The following RAD51B variants were observed in gnomAD, a reference collection of about 807,000 sequenced individuals.
RAD51B encodes the protein RAD51 paralog B.
Under a neutral mutation model 42.2 loss-of-function variants are expected in RAD51B, and 38 were observed. The ratio of observed to expected loss-of-function variants is 0.90; its 90% CI spans 0.70 to 1.18. The LOEUF (loss-of-function observed/expected upper bound fraction) is 1.18. Among genes scored for constraint, RAD51B ranks in the 50% most tolerant of loss-of-function variants. The pLI is 0.00. For synonymous variants in RAD51B, 154 were observed against 145.2 expected (o/e 1.06, Z -0.43); for missense variants, 373 against 400.7 (o/e 0.93, Z 0.59).
chr14:68,648,420 A>C (rs966691219), intron 10 of RAD51B, among the ~76,000 whole-genome samples: 6 of 149,014 alleles, frequency 4.0e-5, no homozygotes, highest in African/African-American at 1.5e-4. Context: ...GTTATGGTGA[A>C]AAAGACATTC....
intron 7 of RAD51B, among the ~76,000 whole-genome samples, chr14:68,076,157 G>A (rs1191138226): frequency 2.0e-5 from 3 of 152,194 alleles, no homozygotes; most frequent in Non-Finnish European, 4.4e-5. Flanking sequence ...ACTATTGCTT[G>A]TTTGGAATTG....
At chr14:68,168,233 T>A (rs1014504248) in intron 7 of RAD51B, among the ~76,000 whole-genome samples, 1 of 152,150 alleles carries the variant, frequency 6.6e-6, no homozygotes, top group South Asian at 2.1e-4. Context: ...TCTCTAGAAT[T>A]TTACTCCTTT....
intron 7 of RAD51B, among the ~76,000 whole-genome samples, chr14:68,188,962 A>C (rs987938629): frequency 6.6e-6 from 1 of 151,602 alleles, no homozygotes; most frequent in Non-Finnish European, 1.5e-5. Flanking sequence ...TAGCTCTTTG[A>C]TAAGGCTTTG....
downstream of RAD51B, among the ~76,000 whole-genome samples, chr14:68,482,907 C>A (rs1252657258): frequency 6.6e-6 from 1 of 152,226 alleles, no homozygotes; most frequent in Admixed American, 6.5e-5. Flanking sequence ...CCCCAAATCT[C>A]AGTGACTTGC....
At chr14:68,454,513 C>A (rs1406888489) in intron 9 of RAD51B, among the ~76,000 whole-genome samples, 1 of 152,230 alleles carries the variant, frequency 6.6e-6, no homozygotes, top group Non-Finnish European at 1.5e-5. Flanking sequence ...ATCAGTGCTA[C>A]AGTAACCTTG....
At chr14:68,183,412 C>A in intron 7 of RAD51B, among the ~76,000 whole-genome samples, 1 of 152,184 alleles carries the variant, frequency 6.6e-6, no homozygotes, top group East Asian at 1.9e-4. Flanking sequence ...TTCTTTCTAG[C>A]CACACTGGCA....
chr14:68,602,793 G>C (rs970450178), intron 10 of RAD51B, among the ~76,000 whole-genome samples: 2 of 152,102 alleles, frequency 1.3e-5, no homozygotes, highest in Non-Finnish European at 2.9e-5. Context: ...TATTTGACGA[G>C]ATATCCGGGT....
intron 7 of RAD51B, among the ~76,000 whole-genome samples, chr14:68,111,363 A>G (rs1416810633): frequency 6.6e-6 from 1 of 152,096 alleles, no homozygotes; most frequent in Non-Finnish European, 1.5e-5. Context: ...GGGTTCTATT[A>G]GAGAAGAATA....
intron 9 of RAD51B, among the ~76,000 whole-genome samples, chr14:68,460,185 C>T (rs2085807056): frequency 6.6e-6 from 1 of 151,992 alleles, no homozygotes; most frequent in Non-Finnish European, 1.5e-5. Context: ...GGCACAGTGG[C>T]TCACACCTAT....
chr14:68,352,995 C>G (rs943107796), intron 8 of RAD51B, among the ~76,000 whole-genome samples: 1 of 152,146 alleles, frequency 6.6e-6, no homozygotes, highest in Non-Finnish European at 1.5e-5. Flanking sequence ...AAAACTTTTC[C>G]TCAATGTTTC....
At chr14:68,476,142 C>G (rs1419342270) in intron 10 of RAD51B, among the ~76,000 whole-genome samples, 1 of 151,808 alleles carries the variant, frequency 6.6e-6, no homozygotes, top group East Asian at 1.9e-4. Context: ...ACTGTGATAC[C>G]TATTACCAAG....
chr14:68,067,477 CAAAA>C (rs79038337), intron 7 of RAD51B, among the ~76,000 whole-genome samples: 1 of 101,798 alleles, frequency 9.8e-6, no homozygotes, highest in Non-Finnish European at 2.1e-5. Flanking sequence ...AAAAAAAAAA[CAAAA>C]AAAAAAAAAC....
At chr14:68,626,702 G>A (rs1892090599) in intron 10 of RAD51B, among the ~76,000 whole-genome samples, 1 of 152,220 alleles carries the variant, frequency 6.6e-6, no homozygotes, top group Non-Finnish European at 1.5e-5. Flanking sequence ...AAGGTTCTAA[G>A]AGATCCAGGC....
intron 7 of RAD51B, among the ~76,000 whole-genome samples, chr14:68,197,225 C>G (rs2079390878): frequency 1.3e-5 from 2 of 152,158 alleles, no homozygotes; most frequent in Non-Finnish European, 2.9e-5. Context: ...GGCAATCACT[C>G]TTCTGATTTC....
chr14:68,639,077 G>A (rs749963484), intron 10 of RAD51B, among the ~76,000 whole-genome samples: 3 of 151,804 alleles, frequency 2.0e-5, no homozygotes, highest in Non-Finnish European at 2.9e-5. Context: ...ACTTGGCAAT[G>A]AGGTGTAGGG....
At chr14:68,470,972 A>C (rs2086109014) in intron 10 of RAD51B, among the ~76,000 whole-genome samples, 2 of 152,186 alleles carry the variant, frequency 1.3e-5, no homozygotes, top group South Asian at 4.1e-4. Context: ...GACCAAACTA[A>C]AAGACACCTG....
chr14:68,562,927 T>C (rs1889226748), intron 10 of RAD51B: 1 of 985,434 alleles, frequency 1.0e-6, no homozygotes, highest in African/African-American at 1.7e-5. Flanking sequence ...CATCCAAACA[T>C]GGACCATGTA....
At chr14:68,152,376 A>G (rs2078406880) in intron 7 of RAD51B, among the ~76,000 whole-genome samples, 1 of 152,124 alleles carries the variant, frequency 6.6e-6, no homozygotes, top group Admixed American at 6.5e-5. Flanking sequence ...ATACGTTGAG[A>G]ATGTAGGCTG....
chr14:68,112,897 C>T (rs754757653), intron 7 of RAD51B, among the ~76,000 whole-genome samples: 4 of 152,154 alleles, frequency 2.6e-5, no homozygotes, highest in East Asian at 1.9e-4. Flanking sequence ...AAACTTGCTA[C>T]GTAGAAAATT....
Sources: gnomAD v4.1 joint callset for allele counts (sites outside exome capture counted in the v4.1 genomes callset) on GRCh38, gnomAD v4.1.1 for gene constraint, MANE v1.5 for transcripts, NCBI Gene and HGNC (gene_info 2026-07-23, HGNC 2026-07-21) for gene names.